SLC14A2: variants seen among roughly 807,000 people sequenced by gnomAD.
The protein encoded by SLC14A2 is solute carrier family 14 member 2.
In SLC14A2, 91 loss-of-function variants were observed where a neutral mutation model predicts 104.6. That is an observed-to-expected ratio of 0.87 (90% CI 0.73 to 1.04). The LOEUF (loss-of-function observed/expected upper bound fraction) is 1.04. SLC14A2 is among the 50% of genes least tolerant of loss of function. The probability of loss-of-function intolerance (pLI) is 0.00; values close to 1 mark genes in which losing one functional copy is unlikely to be tolerated. For missense variants in SLC14A2, 1,189 were observed against 1,156.0 expected (o/e 1.03, Z -0.41); for synonymous variants, 476 against 466.4 (o/e 1.02, Z -0.27).
chr18:45,285,717 G>A (rs764323583), intron 1 of SLC14A2, among the ~76,000 whole-genome samples: 82 of 142,926 alleles, frequency 5.7e-4, no homozygotes, highest in Non-Finnish European at 1.1e-3. Context: ...GAGCCACTGC[G>A]CCCAGCCGGA....
chr18:45,581,214 G>C (rs2044486317), intron 2 of SLC14A2, among the ~76,000 whole-genome samples: 1 of 152,208 alleles, frequency 6.6e-6, no homozygotes, highest in African/African-American at 2.4e-5. Flanking sequence ...ACAGAGGGCA[G>C]AGGGGTGTGG....
At chr18:45,335,428 C>T (rs1250028013) in intron 1 of SLC14A2, among the ~76,000 whole-genome samples, 1 of 152,072 alleles carries the variant, frequency 6.6e-6, no homozygotes, top group Non-Finnish European at 1.5e-5. Context: ...TGATTGACTG[C>T]AGTAGAGGAA....
upstream of SLC14A2, among the ~76,000 whole-genome samples, chr18:45,611,638 G>A (rs1163901766): frequency 1.3e-5 from 2 of 152,148 alleles, no homozygotes; most frequent in Non-Finnish European, 2.9e-5. Context: ...GGACTCACAT[G>A]CCCACAGTCA....
intron 2 of SLC14A2, among the ~76,000 whole-genome samples, chr18:45,564,632 G>A (rs2044242944): frequency 6.6e-6 from 1 of 152,220 alleles, no homozygotes; most frequent in Admixed American, 6.5e-5. Flanking sequence ...GGGGATGCCA[G>A]GGGGAAATAT....
intron 2 of SLC14A2, among the ~76,000 whole-genome samples, chr18:45,595,050 C>A (rs1334817536): frequency 6.6e-6 from 1 of 152,192 alleles, no homozygotes; most frequent in Non-Finnish European, 1.5e-5. Context: ...GCCATGAAAC[C>A]TTTCCACATT....
At chr18:45,552,787 C>T (rs2044074760) in intron 2 of SLC14A2, among the ~76,000 whole-genome samples, 1 of 152,024 alleles carries the variant, frequency 6.6e-6, no homozygotes, top group African/African-American at 2.4e-5. Context: ...GGGCACTTGC[C>T]CAGCATGTTT....
intron 1 of SLC14A2, among the ~76,000 whole-genome samples, chr18:45,420,014 TCACAGTTTC>T (rs1293590433): frequency 6.6e-6 from 1 of 152,226 alleles, no homozygotes; most frequent in Non-Finnish European, 1.5e-5. Flanking sequence ...TTAATATTTC[TCACAGTTTC>T]CATGGGTCAC....
chr18:45,244,886 T>G (rs1391060831), intron 1 of SLC14A2, among the ~76,000 whole-genome samples: 2 of 152,232 alleles, frequency 1.3e-5, no homozygotes, highest in Non-Finnish European at 2.9e-5. Flanking sequence ...ATCTGTCTAT[T>G]CATCCATCCA....
chr18:45,560,356 T>A (rs142916278), intron 2 of SLC14A2, among the ~76,000 whole-genome samples: 30 of 152,210 alleles, frequency 2.0e-4, no homozygotes, highest in African/African-American at 7.0e-4. Context: ...GAAGACCCCA[T>A]CTCTACCCCC....
chr18:45,457,812 T>C (rs528167785), intron 1 of SLC14A2, among the ~76,000 whole-genome samples: 1 of 152,258 alleles, frequency 6.6e-6, no homozygotes, highest in South Asian at 2.1e-4. Context: ...CACTACCTAA[T>C]TGTGCGTCTG....
chr18:45,513,325 T>G (rs942431495), intron 2 of SLC14A2, among the ~76,000 whole-genome samples: 2 of 152,236 alleles, frequency 1.3e-5, no homozygotes, highest in Non-Finnish European at 2.9e-5. Flanking sequence ...GATGTTCCCT[T>G]TCTCAGAGAA....
the SLC14A2 span, among the ~76,000 whole-genome samples, chr18:45,173,286 T>A: frequency 2.0e-5 from 3 of 152,088 alleles, no homozygotes; most frequent in African/African-American, 7.2e-5. Flanking sequence ...CCACATCTGA[T>A]CATTTAAATC....
At chr18:45,220,087 G>A (rs1020047147) in intron 1 of SLC14A2, among the ~76,000 whole-genome samples, 3 of 152,178 alleles carry the variant, frequency 2.0e-5, no homozygotes, top group Non-Finnish European at 4.4e-5. Flanking sequence ...GTAAATGAAT[G>A]AGTGTCCACC....
chr18:45,417,202 G>C (rs1315969339), intron 1 of SLC14A2, among the ~76,000 whole-genome samples: 1 of 152,152 alleles, frequency 6.6e-6, no homozygotes, highest in Middle Eastern at 3.2e-3. Context: ...ATAAAGCCAG[G>C]CTTCAGCAAA....
chr18:45,678,903 T>C (rs1356639738), intron 18 of SLC14A2, 72 bp from the exon 19 acceptor site: 1 of 1,353,574 alleles, frequency 7.4e-7, no homozygotes, highest in Non-Finnish European at 1.0e-6. Flanking sequence ...GGGAAGAGAA[T>C]ATGTAGAGCA....
chr18:45,342,781 C>T (rs1376799071), intron 1 of SLC14A2, among the ~76,000 whole-genome samples: 2 of 152,156 alleles, frequency 1.3e-5, no homozygotes, highest in African/African-American at 2.4e-5. Flanking sequence ...TTATTCCTAA[C>T]GTCCAAGACC....
At chr18:45,424,684 G>A (rs757486109) in intron 1 of SLC14A2, among the ~76,000 whole-genome samples, 16 of 152,162 alleles carry the variant, frequency 1.1e-4, no homozygotes, top group Admixed American at 2.0e-4. Flanking sequence ...CTATTATAAC[G>A]TGTTTACAAA....
rs958784644 is a variant in SLC14A2 at position 45,630,924 on chromosome 18, G to A, written c.522-1426G>A. Among the ~76,000 whole-genome samples, 6 of 152,216 alleles carry A rather than the reference G, an allele frequency of 3.9e-5. 1 individual carries two copies. Among genetic ancestry groups the A allele is most frequent in the Admixed American group, 6.5e-5 (1 of 15,282 alleles). On this transcript the variant is annotated intron_variant, in intron 4 of 19. Transcript: ENST00000255226. ...TTCTTGCAGGAAGCTGTCTAGATAT[G>A]CTCTCTCCTGCCCCTTTCCCATCCT...
At chr18:45,592,230 T>TC (rs1029211195) in intron 2 of SLC14A2, among the ~76,000 whole-genome samples, 11 of 152,098 alleles carry the variant, frequency 7.2e-5, no homozygotes, top group Admixed American at 1.3e-4. Flanking sequence ...TCATTTTTTT[T>TC]AATGTAAAAT....
Sources: allele counts gnomAD v4.1 joint callset (sites outside exome capture counted in the v4.1 genomes callset), GRCh38; gene constraint gnomAD v4.1.1; transcripts MANE v1.5; gene names NCBI Gene and HGNC (gene_info 2026-07-23, HGNC 2026-07-21).